The following SENP7 variants were observed in gnomAD, a reference collection of about 807,000 sequenced individuals.
The protein encoded by SENP7 is SUMO specific peptidase 7.
Under a neutral mutation model 141.2 loss-of-function variants are expected in SENP7, and 64 were observed. That is an observed-to-expected ratio of 0.45 (90% CI 0.37 to 0.56). SENP7 has a LOEUF of 0.56. Among genes scored for constraint, SENP7 ranks in the 20% least tolerant of loss-of-function variants. The pLI is 0.00. For synonymous variants in SENP7, 382 were observed against 426.4 expected (o/e 0.90, Z 1.28); for missense variants, 1,025 against 1,212.2 (o/e 0.85, Z 2.29).
intron 4 of SENP7, among the ~76,000 whole-genome samples, chr3:101,447,544 C>G (rs2062943047): frequency 2.0e-5 from 3 of 151,848 alleles, no homozygotes; most frequent in Non-Finnish European, 4.4e-5. Flanking sequence ...AAAAAAAAGT[C>G]AAAGACACAC....
chr3:101,357,574 C>A, intron 11 of SENP7: 1 of 1,232,508 alleles, frequency 8.1e-7, no homozygotes, highest in Non-Finnish European at 1.1e-6. Flanking sequence ...GTGGACATGA[C>A]AATTTACAGT....
In SENP7 at chr3:101,341,385, T is replaced by C. The variant is rs534133999; in HGVS notation, c.2240+261A>G. ...TCATACATTGCTACTCAAATGTTTT[T>C]AATAAACACTTTAATCTTACCAAAT... On this transcript the variant is annotated intron_variant, in intron 15 of 23. Coordinates refer to ENST00000394095, the MANE Select transcript of SENP7 (RefSeq NM_020654.5). Among the ~76,000 whole-genome samples the C allele has an allele frequency of 6.6e-5, 10 of 152,344 alleles. No individual in the cohort carries two copies. In the South Asian group the frequency reaches 1.0e-3, roughly 16 times the overall value.
intron 3 of SENP7, among the ~76,000 whole-genome samples, chr3:101,460,233 A>C (rs569121250): frequency 6.6e-6 from 1 of 152,220 alleles, no homozygotes; most frequent in African/African-American, 2.4e-5. Context: ...CTAGAGGCTC[A>C]GAAGAACCAA....
At chr3:101,408,632 G>A (rs185173458) in intron 5 of SENP7, among the ~76,000 whole-genome samples, 7 of 152,158 alleles carry the variant, frequency 4.6e-5, no homozygotes, top group Admixed American at 1.3e-4. Flanking sequence ...TTTAACATAC[G>A]TAAGTCAATA....
At chr3:101,329,288 A>G (rs1370214784) in intron 20 of SENP7, among the ~76,000 whole-genome samples, 1 of 152,212 alleles carries the variant, frequency 6.6e-6, no homozygotes, top group Non-Finnish European at 1.5e-5. Context: ...AATCCTGCTT[A>G]TCACGAACTG....
At chr3:101,464,536 G>T (rs2107923163) in intron 3 of SENP7, among the ~76,000 whole-genome samples, 1 of 152,064 alleles carries the variant, frequency 6.6e-6, no homozygotes, top group East Asian at 1.9e-4. Flanking sequence ...CTGGTTGCAT[G>T]CTCCTTATGA....
intron 6 of SENP7, among the ~76,000 whole-genome samples, chr3:101,398,626 G>T (rs1200652035): frequency 6.6e-6 from 1 of 152,188 alleles, no homozygotes; most frequent in Non-Finnish European, 1.5e-5. Context: ...TTTTCATTAA[G>T]TGTCTGTATC....
intron 4 of SENP7, among the ~76,000 whole-genome samples, chr3:101,451,251 G>T (rs926456415): frequency 2.4e-4 from 36 of 152,100 alleles, no homozygotes; most frequent in African/African-American, 7.5e-4. Context: ...AAAAGTCCAG[G>T]ACCAGATGGA....
intron 5 of SENP7, among the ~76,000 whole-genome samples, chr3:101,403,924 GAC>G (rs2061226491): frequency 6.6e-6 from 1 of 152,014 alleles, no homozygotes; most frequent in Admixed American, 6.6e-5. Flanking sequence ...AATCAGAGAA[GAC>G]ACAAACAAAT....
intron 3 of SENP7, among the ~76,000 whole-genome samples, chr3:101,476,907 G>C (rs936389621): frequency 6.6e-6 from 1 of 152,184 alleles, no homozygotes; most frequent in East Asian, 1.9e-4. Context: ...CTTTTGAGAA[G>C]TGTCTGTTCA....
chr3:101,373,530 A>C (rs963296223), intron 6 of SENP7, among the ~76,000 whole-genome samples: 1 of 152,174 alleles, frequency 6.6e-6, no homozygotes, highest in Non-Finnish European at 1.5e-5. Flanking sequence ...ACAGTGTAAT[A>C]GTCCTTGTTT....
rs1433589918 is a variant in SENP7, at chr3:101,345,015, A to G, written c.1838-1061T>C. 6.3e-5 allele frequency among the ~76,000 whole-genome samples: 8 copies of G among 127,456 alleles called. 1 individual carries two copies. The South Asian group carries it at 1.8e-3, about 29-fold the overall frequency. The allele number at this position is 127,456 out of a possible 152,430, so 83.6% of individuals were successfully genotyped here. A position where few individuals can be genotyped will look rare whatever the true frequency, so the allele number is the denominator to read the frequency against. ...GCAAAAAAAAAAAAAAAAAAAAAAA[A>G]AAGGAGAAGAAAGAATTTGGGCTTA... On this transcript the variant is annotated intron_variant, in intron 13 of 23. Transcript: ENST00000394095.
intron 4 of SENP7, among the ~76,000 whole-genome samples, chr3:101,423,501 A>C (rs2061851562): frequency 6.6e-6 from 1 of 152,174 alleles, no homozygotes; most frequent in African/African-American, 2.4e-5. Flanking sequence ...GCAGTTTCTT[A>C]CAAAGTTAAA....
rs2058963500 is a variant in SENP7 at position 101,328,523 on chromosome 3, G to A, written c.2819C>T (p.Ser940Phe). Residue 940 changes from serine (S) to phenylalanine (F), a missense_variant, in exon 22 of 24, where the codon TCC (serine) becomes TTC (phenylalanine). This residue lies in a region of SENP7 where 295 missense variants were observed against 459.1 expected (regional missense o/e 0.64). Coordinates refer to ENST00000394095, the MANE Select transcript of SENP7 (RefSeq NM_020654.5). ...GTTTTGTACAGAAGCAGCTTTCAAG[G>A]AGTCTAGTATAAGAATACATGGCCT... is the stretch of plus-strand genomic sequence containing the variant. ...CKRPCILILD[S>F]LKAASVQNTV... is the part of the protein sequence containing the mutation. 6.2e-7 allele frequency: 1 copy of A among 1,612,432 alleles called. No individual in the cohort carries two copies. The highest frequency in any genetic ancestry group is 1.7e-5 in the Admixed American group (1 of 59,908).
chr3:101,425,178 T>C (rs1050145548), intron 4 of SENP7, among the ~76,000 whole-genome samples: 5 of 152,192 alleles, frequency 3.3e-5, no homozygotes, highest in Admixed American at 3.3e-4. Flanking sequence ...CTACCACTGC[T>C]GCTGGCACAT....
chr3:101,460,101 A>G (rs1003463102), intron 3 of SENP7, among the ~76,000 whole-genome samples: 2 of 152,182 alleles, frequency 1.3e-5, no homozygotes, highest in Non-Finnish European at 2.9e-5. Flanking sequence ...TAACTATATC[A>G]ACTATTTTGG....
intron 6 of SENP7, among the ~76,000 whole-genome samples, chr3:101,395,836 A>G (rs1298782616): frequency 6.6e-6 from 1 of 152,248 alleles, no homozygotes; most frequent in Non-Finnish European, 1.5e-5. Context: ...AACATCAACT[A>G]TAGTAATATC....
intron 5 of SENP7, among the ~76,000 whole-genome samples, chr3:101,403,747 CAA>C (rs2061219473): frequency 6.6e-6 from 1 of 152,080 alleles, no homozygotes; most frequent in East Asian, 1.9e-4. Context: ...AATCAATGTA[CAA>C]AAATCACTAG....
At chr3:101,358,592 T>A (rs2059807363) in intron 11 of SENP7, 1 of 185,406 alleles carries the variant, frequency 5.4e-6, no homozygotes, top group Non-Finnish European at 1.2e-5. Flanking sequence ...ACTCTACAAG[T>A]GTAAAGAACG....
Sources: allele counts gnomAD v4.1 joint callset (sites outside exome capture counted in the v4.1 genomes callset), GRCh38; gene constraint gnomAD v4.1.1; regional missense constraint gnomAD v4.1.1; transcripts MANE v1.5; gene names NCBI Gene and HGNC (gene_info 2026-07-23, HGNC 2026-07-21).